FBRSL1: variants seen among roughly 807,000 people sequenced by gnomAD.
FBRSL1 encodes fibrosin like 1, also known as fibrosin-1-like protein.
FBRSL1 carries 51 observed loss-of-function variants against 89.6 expected under a neutral mutation model. That is an observed-to-expected ratio of 0.57 (90% CI 0.45 to 0.72). The LOEUF is 0.72. Among genes scored for constraint, FBRSL1 ranks in the 30% least tolerant of loss-of-function variants. The pLI, the probability that FBRSL1 is intolerant of heterozygous loss-of-function variation, is 0.00. For missense variants in FBRSL1, 1,618 were observed against 1,451.8 expected (o/e 1.11, Z -1.86); for synonymous variants, 779 against 681.1 (o/e 1.14, Z -2.24).
chr12:132,582,553 C>T (rs1395117828), intron 18 of FBRSL1, among the ~76,000 whole-genome samples: 3 of 151,908 alleles, frequency 2.0e-5, no homozygotes, highest in East Asian at 1.9e-4. Flanking sequence ...GGGAGTGAAG[C>T]CTGGGCCCTG....
intron 1 of FBRSL1, 59 bp from the exon 2 acceptor site, chr12:132,508,094 C>A: frequency 1.4e-6 from 2 of 1,458,304 alleles, no homozygotes; most frequent in African/African-American, 1.4e-5. Flanking sequence ...TGGGTGCTGT[C>A]CTGGGCCCAA....
At chr12:132,510,154 C>A in intron 2 of FBRSL1, 1 of 1,225,252 alleles carries the variant, frequency 8.2e-7, no homozygotes, top group Non-Finnish European at 1.0e-6. Flanking sequence ...CCAGAGCAGC[C>A]CTGCCAGCCC....
chr12:132,576,284 C>T (rs2040378128), intron 14 of FBRSL1, among the ~76,000 whole-genome samples: 2 of 151,860 alleles, frequency 1.3e-5, no homozygotes, highest in African/African-American at 2.4e-5. Flanking sequence ...CCTCCACCTC[C>T]CGGCTTCAAG....
intron 1 of FBRSL1, among the ~76,000 whole-genome samples, chr12:132,493,088 G>C (rs1354499375): frequency 6.6e-6 from 1 of 152,234 alleles, no homozygotes; most frequent in South Asian, 2.1e-4. Context: ...GGACCTTGAG[G>C]CTCCCCATTG....
chr12:132,519,770 G>A (rs1056481466), intron 2 of FBRSL1, among the ~76,000 whole-genome samples: 34 of 152,158 alleles, frequency 2.2e-4, no homozygotes, highest in African/African-American at 8.2e-4. Context: ...TTAGCTGAGT[G>A]TGGTGGCAAG....
At chr12:132,539,677 C>T (rs75823069) in intron 4 of FBRSL1, among the ~76,000 whole-genome samples, 4 of 128,346 alleles carry the variant, frequency 3.1e-5, no homozygotes, top group Non-Finnish European at 6.6e-5. Context: ...GCCCGATGCC[C>T]ACCCAGTCCT....
At chr12:132,535,595 T>C (rs2036642489) in intron 4 of FBRSL1, among the ~76,000 whole-genome samples, 1 of 152,172 alleles carries the variant, frequency 6.6e-6, no homozygotes. Flanking sequence ...ATGCAGCCAG[T>C]ATCAGAGAGC....
chr12:132,520,179 TACCCCTCCAGCACACCCTCCTTGC>T (rs1458441635), intron 2 of FBRSL1, among the ~76,000 whole-genome samples: 1 of 88,120 alleles, frequency 1.1e-5, no homozygotes, highest in Non-Finnish European at 2.3e-5. Flanking sequence ...ACCCTCCTTG[TACCCCTCCAGCACACCCTCCTTGC>T]ACCCCTCCAG....
At chr12:132,512,297 A>G (rs937727790) in intron 2 of FBRSL1, among the ~76,000 whole-genome samples, 1 of 152,252 alleles carries the variant, frequency 6.6e-6, no homozygotes, top group Non-Finnish European at 1.5e-5. Flanking sequence ...GGTTCAGCTC[A>G]GAGTCCTCTG....
intron 2 of FBRSL1, among the ~76,000 whole-genome samples, chr12:132,519,200 A>T (rs1325389518): frequency 6.6e-6 from 1 of 152,238 alleles, no homozygotes; most frequent in African/African-American, 2.4e-5. Flanking sequence ...CGCCCACTGG[A>T]TGCTTACAGT....
At chr12:132,570,787 G>A (rs575695542) in intron 8 of FBRSL1, among the ~76,000 whole-genome samples, 14 of 152,318 alleles carry the variant, frequency 9.2e-5, no homozygotes, top group African/African-American at 3.4e-4. Flanking sequence ...ACACTGAGAC[G>A]GGCGCACGGG....
intron 3 of FBRSL1, 127 bp downstream of exon 3, chr12:132,525,950 T>TCCGA: frequency 1.3e-6 from 1 of 749,190 alleles, no homozygotes; most frequent in South Asian, 1.8e-5. Flanking sequence ...GGGCGTCCAG[T>TCCGA]CCGAGTCTGG....
chr12:132,537,470 G>A (rs1341666549), intron 4 of FBRSL1, among the ~76,000 whole-genome samples: 1 of 152,148 alleles, frequency 6.6e-6, no homozygotes, highest in Non-Finnish European at 1.5e-5. Flanking sequence ...GCGTCGCAGT[G>A]CAAATGCCAG....
At chr12:132,542,090 T>G (rs1593415352) in intron 4 of FBRSL1, among the ~76,000 whole-genome samples, 1 of 152,214 alleles carries the variant, frequency 6.6e-6, no homozygotes. Flanking sequence ...GTACAGACAT[T>G]GGGACACGTG....
intron 2 of FBRSL1, among the ~76,000 whole-genome samples, chr12:132,517,215 C>T (rs2034921771): frequency 1.3e-5 from 2 of 152,148 alleles, no homozygotes; most frequent in South Asian, 4.1e-4. Context: ...TCCCACCTGA[C>T]AGGGCCCTCC....
intron 4 of FBRSL1, among the ~76,000 whole-genome samples, chr12:132,530,448 C>T (rs1292723375): frequency 2.0e-5 from 3 of 151,876 alleles, no homozygotes; most frequent in Non-Finnish European, 2.9e-5. Context: ...GTCTTAAGCT[C>T]TGGAAGGTGG....
intron 5 of FBRSL1, among the ~76,000 whole-genome samples, chr12:132,550,421 G>A (rs534760248): frequency 2.9e-4 from 44 of 152,288 alleles, no homozygotes; most frequent in African/African-American, 8.7e-4. Context: ...GCGGGGGCAC[G>A]GTGCTGGCAG....
intron 4 of FBRSL1, among the ~76,000 whole-genome samples, chr12:132,531,199 G>A (rs1237759757): frequency 6.7e-6 from 1 of 148,174 alleles, no homozygotes; most frequent in East Asian, 1.9e-4. Flanking sequence ...GGACCCAGGA[G>A]CAGGACAGGA....
rs1198016135 is a variant in FBRSL1, at chr12:132,499,141, G to T, written c.291+8280G>T. Among the ~76,000 whole-genome samples, 1 of 152,236 alleles carries T rather than the reference G, an allele frequency of 6.6e-6. No homozygotes were observed. The highest frequency in any genetic ancestry group is 2.4e-5 in the African/African-American group (1 of 41,462). On this transcript the variant is annotated intron_variant, in intron 1 of 18. Coordinates refer to ENST00000680143, the MANE Select transcript of FBRSL1 (RefSeq NM_001367871.1). The surrounding 1 kb of genome is among the most constrained non-coding windows in gnomAD (Gnocchi z 4.3). ...CTCATCCGGCCTCGGCAGCCGCCCC[G>T]CCCATTCCAGATCTCTGCTCTGCCC...
Sources: allele counts gnomAD v4.1 joint callset (sites outside exome capture counted in the v4.1 genomes callset), GRCh38; gene constraint gnomAD v4.1.1; non-coding constraint Gnocchi (gnomAD v3.1); transcripts MANE v1.5; gene names NCBI Gene and HGNC (gene_info 2026-07-23, HGNC 2026-07-21).